The following AMD1 variants were observed in gnomAD, a reference collection of about 807,000 sequenced individuals.
AMD1 encodes S-adenosylmethionine decarboxylase proenzyme.
Under a neutral mutation model 40.2 loss-of-function variants are expected in AMD1, and 11 were observed. That is an observed-to-expected ratio of 0.27 (90% CI 0.17 to 0.45). AMD1 has a LOEUF of 0.45. Among genes scored for constraint, AMD1 ranks in the 20% least tolerant of loss-of-function variants. The probability of loss-of-function intolerance (pLI) is 1.00; values close to 1 mark genes in which losing one functional copy is unlikely to be tolerated. For missense variants in AMD1, 257 were observed against 410.2 expected, an observed-to-expected ratio of 0.63 and a Z score of 3.23; for synonymous variants, 121 against 130.8, an observed-to-expected ratio of 0.93 and a Z score of 0.51.
chr6:110,822,182 G>A, the AMD1 span, among the ~76,000 whole-genome samples: 1 of 152,006 alleles, frequency 6.6e-6, no homozygotes, highest in Admixed American at 6.6e-5. Flanking sequence ...CTGTAGCCTG[G>A]GCAGAAAGGG....
At position 110,895,646 on chromosome 6, in the gene AMD1, T is replaced by G. The variant is rs910931144; in HGVS notation, c.*2030T>G. 2 of 152,666 alleles carry G rather than the reference T, an allele frequency of 1.3e-5. No homozygotes were observed. The highest frequency in any genetic ancestry group is 2.4e-5 in the African/African-American group (1 of 41,462). 9.5% of individuals were successfully genotyped at this position (152,666 alleles called of 1,614,324 possible). ...TTCACTGGTGTTGGACTTAAATCAG[T>G]TGAAATGTATTTCTGTACCACAATT... On this transcript the variant is annotated 3_prime_UTR_variant, in exon 9 of 9. Coordinates refer to ENST00000368885, the MANE Select transcript of AMD1 (RefSeq NM_001634.6).
chr6:110,865,974 G>C, the AMD1 span, among the ~76,000 whole-genome samples: 1 of 146,252 alleles, frequency 6.8e-6, no homozygotes, highest in South Asian at 2.2e-4. Flanking sequence ...TGTTGGCCAG[G>C]CTGGTCTCGA....
At chr6:110,874,522 T>C (rs1784988062), upstream of AMD1, among the ~76,000 whole-genome samples, 1 of 151,818 alleles carries the variant, frequency 6.6e-6, no homozygotes, top group African/African-American at 2.4e-5. Flanking sequence ...CCCCACCCAC[T>C]CTGCGTTCGA....
chr6:110,851,424 G>C, the AMD1 span, among the ~76,000 whole-genome samples: 1 of 151,590 alleles, frequency 6.6e-6, no homozygotes, highest in Non-Finnish European at 1.5e-5. Context: ...TTGAAAAGTT[G>C]TGGGGTTTTT....
chr6:110,860,174 G>GC, the AMD1 span, among the ~76,000 whole-genome samples: 1 of 151,804 alleles, frequency 6.6e-6, no homozygotes, highest in African/African-American at 2.4e-5. Context: ...CCCCTTCTGG[G>GC]CCTGACCAGT....
the AMD1 span, among the ~76,000 whole-genome samples, chr6:110,837,079 C>G: frequency 6.7e-6 from 1 of 149,922 alleles, no homozygotes; most frequent in South Asian, 2.1e-4. Flanking sequence ...ATTGCCTGAG[C>G]CCAGGAGTTT....
At chr6:110,821,631 AG>A in the AMD1 span, among the ~76,000 whole-genome samples, 1 of 152,156 alleles carries the variant, frequency 6.6e-6, no homozygotes. Context: ...AGAAGAAGAA[AG>A]AAAAGAAAAA....
At position 110,877,278 on chromosome 6, in the gene AMD1, A is replaced by T. The variant is rs562917692; in HGVS notation, c.110+2063A>T. 1.6e-4 allele frequency among the ~76,000 whole-genome samples: 25 copies of T among 152,396 alleles called. No individual in the cohort carries two copies. In the East Asian group the frequency reaches 2.9e-3, roughly 18 times the overall value. The stretch of plus-strand genomic sequence containing the variant: ...ATAAAGCAAGTTAAGCAAGAACTGA[A>T]AAATATGTTGATTTAACTAAGGTCC... On this transcript the variant is annotated intron_variant, in intron 1 of 8. Transcript: ENST00000368885.
At chr6:110,834,818 G>A in the AMD1 span, among the ~76,000 whole-genome samples, 3 of 151,428 alleles carry the variant, frequency 2.0e-5, no homozygotes, top group Non-Finnish European at 2.9e-5. Context: ...GTGTGGTGGT[G>A]CATGCCTGTA....
intron 1 of AMD1, among the ~76,000 whole-genome samples, 188 bp from the exon 2 acceptor site, chr6:110,887,317 A>G: frequency 6.6e-6 from 1 of 152,098 alleles, no homozygotes; most frequent in East Asian, 1.9e-4. Flanking sequence ...TTTTTGTTTC[A>G]TATATAGCAT....
intron 8 of AMD1, 135 bp from the exon 9 acceptor site, chr6:110,893,341 C>G (rs73766061): frequency 8.0e-7 from 1 of 1,257,134 alleles, no homozygotes; most frequent in Non-Finnish European, 1.1e-6. Flanking sequence ...CTGGCCCCTC[C>G]AGCACATAAG....
At chr6:110,859,387 C>T in the AMD1 span, among the ~76,000 whole-genome samples, 3 of 151,760 alleles carry the variant, frequency 2.0e-5, no homozygotes, top group Non-Finnish European at 2.9e-5. Flanking sequence ...GGGTAAAGGT[C>T]CCTGCTGGCA....
intron 1 of AMD1, among the ~76,000 whole-genome samples, chr6:110,884,864 A>G (rs1339749792): frequency 2.0e-5 from 3 of 152,218 alleles, no homozygotes; most frequent in Non-Finnish European, 4.4e-5. Flanking sequence ...AGTGGGTAAA[A>G]AGGAGTATGT....
At chr6:110,846,494 G>A in the AMD1 span, among the ~76,000 whole-genome samples, 1 of 152,150 alleles carries the variant, frequency 6.6e-6, no homozygotes, top group Admixed American at 6.6e-5. Flanking sequence ...AAATGCCATT[G>A]TATAAATTAA....
At chr6:110,890,463 C>A in intron 4 of AMD1, 107 bp downstream of exon 4, 2 of 781,374 alleles carry the variant, frequency 2.6e-6, no homozygotes, top group Non-Finnish European at 4.2e-6. Flanking sequence ...GCATTCTACA[C>A]ACACTAATAC....
At chr6:110,884,956 C>T (rs964699048) in intron 1 of AMD1, among the ~76,000 whole-genome samples, 2 of 152,120 alleles carry the variant, frequency 1.3e-5, no homozygotes, top group African/African-American at 2.4e-5. Flanking sequence ...TAGATAAGCT[C>T]TTTAAAAATC....
intron 1 of AMD1, among the ~76,000 whole-genome samples, chr6:110,882,570 A>C (rs760254285): frequency 6.6e-6 from 1 of 152,196 alleles, no homozygotes; most frequent in African/African-American, 2.4e-5. Context: ...TTTTATGTAC[A>C]TGTATAGCAT....
the AMD1 span, among the ~76,000 whole-genome samples, chr6:110,862,739 G>T: frequency 6.6e-6 from 1 of 151,948 alleles, no homozygotes. Context: ...CAAACTGCTC[G>T]GATTACAGGC....
At chr6:110,858,205 G>T in the AMD1 span, 3 of 732,582 alleles carry the variant, frequency 4.1e-6, no homozygotes, top group East Asian at 2.8e-5. Context: ...CGTCTGTTTC[G>T]TCCCATCCCA....
Sources: gnomAD v4.1 joint callset for allele counts (sites outside exome capture counted in the v4.1 genomes callset) on GRCh38, gnomAD v4.1.1 for gene constraint, MANE v1.5 for transcripts, NCBI Gene and HGNC (gene_info 2026-07-23, HGNC 2026-07-21) for gene names.